The following HELZ variants were observed in gnomAD, a reference collection of about 807,000 sequenced individuals.
HELZ encodes the protein ATP-dependent RNA helicase with zinc finger domain.
A neutral mutation model predicts 218.2 loss-of-function variants in HELZ; 23 were observed. The observed-to-expected ratio is 0.11, with a 90% confidence interval of 0.08 to 0.15. The LOEUF (loss-of-function observed/expected upper bound fraction) is 0.15, where lower values mean the gene tolerates loss of function less well. Ranked by LOEUF, HELZ falls within the 10% of genes least tolerant of loss-of-function variation. The probability of loss-of-function intolerance (pLI) is 1.00; values close to 1 mark genes in which losing one functional copy is unlikely to be tolerated. For missense variants in HELZ, 1,813 were observed against 2,353.7 expected (o/e 0.77, Z 4.75); for synonymous variants, 814 against 829.4 (o/e 0.98, Z 0.32).
intron 2 of HELZ, among the ~76,000 whole-genome samples, chr17:67,240,473 A>C (rs1350242675): frequency 6.6e-6 from 1 of 152,212 alleles, no homozygotes; most frequent in Non-Finnish European, 1.5e-5. Flanking sequence ...GTTTTGCATA[A>C]AAGTAAATAA....
Position 67,215,901 on chromosome 17 carries a change from T to C in HELZ, c.245A>G (p.His82Arg). 1.3e-6 allele frequency: 2 copies of C among 1,552,316 alleles called. No individual in the cohort carries two copies. The highest frequency in any genetic ancestry group is 1.8e-6 in the Non-Finnish European group (2 of 1,126,982). ...NYVQADEDCRHVLGEGLAKGE... is the reference protein window; with the variant it reads ...NYVQADEDCRRVLGEGLAKGE... Reference sequence around the variant, plus strand: ...TCGAGTCTCATTTTTAAACATACCATGTCTACAATCTTCATCAGCTTGCAC... The same window carrying C: ...TCGAGTCTCATTTTTAAACATACCACGTCTACAATCTTCATCAGCTTGCAC... The change falls in exon 5 of 33, where the codon CAT becomes CGT. Residue 82 changes from histidine (H) to arginine (R), a missense_variant and splice_region_variant. This residue lies in a region of HELZ where 714 missense variants were observed against 1,029.2 expected (regional missense o/e 0.69). Coordinates refer to ENST00000358691, the MANE Select transcript of HELZ (RefSeq NM_014877.4).
intron 17 of HELZ, 76 bp from the exon 18 acceptor site, chr17:67,151,300 T>G (rs2038674875): frequency 1.7e-6 from 2 of 1,169,298 alleles, no homozygotes; most frequent in South Asian, 2.9e-5. Flanking sequence ...ACACTGACAT[T>G]GTTATTTTAA....
chr17:67,124,919 A>C (rs1359064090), intron 24 of HELZ, among the ~76,000 whole-genome samples: 1 of 152,120 alleles, frequency 6.6e-6, no homozygotes, highest in Non-Finnish European at 1.5e-5. Flanking sequence ...ACACGTATCA[A>C]GCCAATTGAG....
chr17:67,129,072 A>G (rs979728235), intron 23 of HELZ, among the ~76,000 whole-genome samples: 11 of 152,280 alleles, frequency 7.2e-5, no homozygotes, highest in African/African-American at 1.9e-4. Flanking sequence ...AGTACATATA[A>G]AACAGGCTCT....
At chr17:67,111,291 T>C (rs551045388) in intron 28 of HELZ, among the ~76,000 whole-genome samples, 1 of 152,170 alleles carries the variant, frequency 6.6e-6, no homozygotes, top group African/African-American at 2.4e-5. Context: ...GAAATGTAAA[T>C]TTGATCATAA....
intron 3 of HELZ, among the ~76,000 whole-genome samples, chr17:67,221,284 A>G (rs1189718750): frequency 1.3e-5 from 2 of 152,158 alleles, no homozygotes; most frequent in African/African-American, 2.4e-5. Context: ...TGACAACCAA[A>G]TATGTCTCCA....
At position 67,160,880 on chromosome 17, in the gene HELZ, G is replaced by A. The variant is rs532974378; in HGVS notation, c.2075+17C>T. Reference sequence around the variant, plus strand: ...TATCCTACCAGGGAAATATGAGCACGCTTCCCACCCTCTCACCTAGTCTCC... The same window carrying A: ...TATCCTACCAGGGAAATATGAGCACACTTCCCACCCTCTCACCTAGTCTCC... On this transcript the variant is annotated intron_variant, in intron 16 of 32. Coordinates refer to ENST00000358691, the MANE Select transcript of HELZ (RefSeq NM_014877.4). 38 of 1,563,918 alleles carry A rather than the reference G, an allele frequency of 2.4e-5. No homozygotes were observed. The African/African-American group carries it at 3.1e-4, about 13-fold the overall frequency.
chr17:67,117,277 T>C (rs1477249124), intron 27 of HELZ, among the ~76,000 whole-genome samples: 1 of 152,210 alleles, frequency 6.6e-6, no homozygotes, highest in Non-Finnish European at 1.5e-5. Flanking sequence ...ATACAAAATA[T>C]GTTCTCTTAA....
chr17:67,165,750 C>A (rs181768671), intron 15 of HELZ, among the ~76,000 whole-genome samples: 5 of 152,290 alleles, frequency 3.3e-5, no homozygotes, highest in African/African-American at 9.6e-5. Flanking sequence ...AATATTTATA[C>A]GACCATTAAC....
chr17:67,131,628 G>T (rs976209148), intron 23 of HELZ, among the ~76,000 whole-genome samples: 2 of 151,440 alleles, frequency 1.3e-5, no homozygotes, highest in Non-Finnish European at 2.9e-5. Context: ...CTGAAATCTT[G>T]ACTCTACCAT....
intron 17 of HELZ, among the ~76,000 whole-genome samples, chr17:67,156,545 T>A (rs534385685): frequency 4.6e-5 from 7 of 152,196 alleles, no homozygotes; most frequent in Non-Finnish European, 8.8e-5. Context: ...CTAAATCACA[T>A]CGATGTTTCC....
chr17:67,167,711 G>C lies in HELZ; in HGVS notation c.1516C>G (p.Gln506Glu). 4 of 1,614,074 alleles carry C rather than the reference G, an allele frequency of 2.5e-6. No homozygotes were observed. The highest frequency in any genetic ancestry group is 3.4e-6 in the Non-Finnish European group (4 of 1,179,998). Residue 506 changes from glutamine to glutamate, a missense_variant, in exon 14 of 33, where the codon CAA becomes GAA. Physicochemically the swap from Gln to Glu is conservative, Grantham distance 29 (BLOSUM62 2). This residue lies in a region of HELZ where 714 missense variants were observed against 1,029.2 expected (regional missense o/e 0.69). Coordinates refer to ENST00000358691, the MANE Select transcript of HELZ (RefSeq NM_014877.4). ...SGGAKYAQNG[Q>E]LFGRFKLTET... is the part of the protein sequence containing the mutation. ...GTAAGCTTAAAGCGACCAAAAAGTT[G>C]TCCATTCTGAGCATACTTTGCACCT... is the stretch of plus-strand genomic sequence containing the variant.
intron 23 of HELZ, among the ~76,000 whole-genome samples, chr17:67,129,808 T>C (rs1291506834): frequency 3.3e-5 from 5 of 152,108 alleles, no homozygotes; most frequent in Non-Finnish European, 5.9e-5. Flanking sequence ...TAAATACATA[T>C]TACAAAAGAC....
At chr17:67,215,675 C>T in intron 5 of HELZ, 2 of 542,526 alleles carry the variant, frequency 3.7e-6, no homozygotes, top group Admixed American at 6.4e-5. Flanking sequence ...GACACATCAT[C>T]AATGTTCCCA....
intron 3 of HELZ, chr17:67,224,639 G>A: frequency 1.7e-6 from 1 of 593,842 alleles, no homozygotes; most frequent in South Asian, 1.6e-5. Context: ...AAGTGAGCAT[G>A]GGAGACAAAT....
intron 5 of HELZ, among the ~76,000 whole-genome samples, chr17:67,212,314 C>CAAAAAAAAAAAAAA (rs10692832): frequency 0.08 from 1,715 of 21,386 alleles, 662 homozygotes; most frequent in Non-Finnish European, 0.087. Context: ...GACACCATCT[C>CAAAAAAAAAAAAAA]AAAAAAAAAA....
intron 32 of HELZ, among the ~76,000 whole-genome samples, 166 bp downstream of exon 32, chr17:67,086,663 T>G (rs1312362158): frequency 3.9e-5 from 5 of 128,376 alleles, no homozygotes; most frequent in African/African-American, 8.4e-5. Flanking sequence ...TATATATATA[T>G]AGAATCAATA....
chr17:67,085,261 T>G lies in HELZ; in HGVS notation c.5494+1568A>C, dbSNP rs555830076. ...TGGCGAAACCCCATTTCTACAAAAA[T>G]AAACACGAAAATTAGCCAGGCATAG... On this transcript the variant is annotated intron_variant, in intron 32 of 32. Coordinates refer to ENST00000358691, the MANE Select transcript of HELZ (RefSeq NM_014877.4). Among the ~76,000 whole-genome samples the G allele has an allele frequency of 5.3e-5, 8 of 149,802 alleles. No individual in the cohort carries two copies. The South Asian group carries it at 1.7e-3, about 32-fold the overall frequency.
chr17:67,120,379 C>A, intron 27 of HELZ, 26 bp downstream of exon 27: 1 of 1,585,852 alleles, frequency 6.3e-7, no homozygotes, highest in Non-Finnish European at 8.7e-7. Flanking sequence ...AGTTTATGAA[C>A]AGGAGAACAG....
Sources: gnomAD v4.1 joint callset for allele counts (sites outside exome capture counted in the v4.1 genomes callset) on GRCh38, gnomAD v4.1.1 for gene constraint, gnomAD v4.1.1 regional missense constraint, MANE v1.5 for transcripts, NCBI Gene and HGNC (gene_info 2026-07-23, HGNC 2026-07-21) for gene names.